The following FRS3 variants were observed in gnomAD, a reference collection of about 807,000 sequenced individuals.
FRS3 encodes FGFR substrate 3.
In FRS3, 17 loss-of-function variants were observed where a neutral mutation model predicts 41.9. The observed-to-expected ratio is 0.41, with a 90% CI of 0.28 to 0.61. The LOEUF is 0.61. FRS3 is among the 20% of genes least tolerant of loss of function. The pLI is 0.36. For missense variants in FRS3, 619 were observed against 672.1 expected (o/e 0.92, Z 0.87); for synonymous variants, 287 against 274.5 (o/e 1.05, Z -0.45).
Position 41,770,679 on chromosome 6 carries a change from C to T in FRS3, c.1419G>A (p.Leu473=). 1.2e-6 allele frequency: 2 copies of T among 1,613,956 alleles called. No individual in the cohort carries two copies. Among genetic ancestry groups the T allele is most frequent in the African/African-American group, 1.3e-5 (1 of 74,970 alleles). Residue 473 remains leucine, a synonymous_variant, in exon 7 of 7, where the codon CTG becomes CTA. Coordinates refer to ENST00000373018, the MANE Select transcript of FRS3 (RefSeq NM_006653.5). ...TCCTGGCGGTGCCATCGTCTCGGGGCAGAGCTCTCTGCAGGTTGGACATGG... is the reference window on the plus strand; with the variant it reads ...TCCTGGCGGTGCCATCGTCTCGGGGTAGAGCTCTCTGCAGGTTGGACATGG... ...TVAMSNLQRA[L]PRDDGTARKT...
At chr6:41,775,309 C>T in intron 4 of FRS3, 110 bp downstream of exon 4, 1 of 794,900 alleles carries the variant, frequency 1.3e-6, no homozygotes, top group Non-Finnish European at 1.9e-6. Context: ...ACTCTACTGC[C>T]CACAGGTGAT....
chr6:41,770,552 GAGGAC>G lies in FRS3; in HGVS notation c.*62_*66del. The stretch of plus-strand genomic sequence containing the variant: ...CTGAACCCTGGGGAGGGTGGGTTCA[GAGGAC>G]AGGAGTGTGAGGCAGAGGCTGGATC... On this transcript the variant is annotated 3_prime_UTR_variant, in exon 7 of 7. Transcript: ENST00000373018. The G allele has an allele frequency of 2.0e-6, 3 of 1,527,172 alleles. No homozygotes were observed. Among genetic ancestry groups the G allele is most frequent in the Non-Finnish European group, 2.7e-6 (3 of 1,101,956 alleles). The allele number at this position is 1,527,172 out of a possible 1,614,324, so 94.6% of individuals were successfully genotyped here.
At chr6:41,773,002 G>C in intron 4 of FRS3, 43 bp from the exon 5 acceptor site, 1 of 1,547,192 alleles carries the variant, frequency 6.5e-7, no homozygotes, top group Non-Finnish European at 8.9e-7. Context: ...AATAGGGAAG[G>C]ACCAGAGGAG....
chr6:41,776,942 T>C lies in FRS3; in HGVS notation c.46A>G (p.Asn16Asp). Reference sequence around the variant, plus strand: ...GGTACCTTGAACTTGGTGGGGTGGTTGTCTGGAACGCTGTCTCTGTTCAGG... The same window carrying C: ...GGTACCTTGAACTTGGTGGGGTGGTCGTCTGGAACGCTGTCTCTGTTCAGG... The part of the protein sequence containing the change: ...SCLNRDSVPD[N>D]HPTKFKVTNV... The change falls in exon 3 of 7, where the codon AAC (asparagine) becomes GAC (aspartate). Residue 16 changes from asparagine (N) to aspartate (D), a missense_variant. Physicochemically the swap from Asn to Asp is conservative, Grantham distance 23. This residue lies in a region of FRS3 where 100 missense variants were observed against 138.1 expected (regional missense o/e 0.72). Coordinates refer to ENST00000373018, the MANE Select transcript of FRS3 (RefSeq NM_006653.5). 1 of 1,614,094 alleles carries C rather than the reference T, an allele frequency of 6.2e-7. No homozygotes were observed. Among genetic ancestry groups the C allele is most frequent in the African/African-American group, 1.3e-5 (1 of 75,050 alleles).
Position 41,771,123 on chromosome 6 carries a change from C to A in FRS3, c.975G>T (p.Leu325=), listed in dbSNP as rs1772278902. The A allele has an allele frequency of 6.3e-7, 1 of 1,577,576 alleles. No homozygotes were observed. The change falls in exon 7 of 7, where the codon CTG becomes CTT. Residue 325 remains leucine, a synonymous_variant. Transcript: ENST00000373018. ...TTTCCCACACAGGGGGCAGTGGGGG[C>A]AGGTTCTCATAGTGCAGCAGGGCGG... ...RRAALLHYEN[L]PPLPPVWESQ...
chr6:41,773,596 C>T (rs1772349301), intron 4 of FRS3, among the ~76,000 whole-genome samples: 1 of 151,784 alleles, frequency 6.6e-6, no homozygotes, highest in Non-Finnish European at 1.5e-5. Flanking sequence ...GGAGGCCGGG[C>T]ATGATGGCTC....
At chr6:41,773,445 C>G (rs990674064) in intron 4 of FRS3, among the ~76,000 whole-genome samples, 1 of 152,046 alleles carries the variant, frequency 6.6e-6, no homozygotes, top group African/African-American at 2.4e-5. Context: ...CCAAGAGCTA[C>G]TAGAAAGGCT....
chr6:41,778,147 G>A lies in FRS3; in HGVS notation c.-138C>T, dbSNP rs1404956441. On this transcript the variant is annotated 5_prime_UTR_variant, in exon 2 of 7. Coordinates refer to ENST00000373018, the MANE Select transcript of FRS3 (RefSeq NM_006653.5). ...CAAACAGTCTGCAGAGAAGTCACCCGGATCCCTCTGGGATACACCTGGGGC... is the reference window on the plus strand; with the variant it reads ...CAAACAGTCTGCAGAGAAGTCACCCAGATCCCTCTGGGATACACCTGGGGC... 1.3e-5 allele frequency: 2 copies of A among 152,534 alleles called. No individual in the cohort carries two copies. Among genetic ancestry groups the A allele is most frequent in the Non-Finnish European group, 2.9e-5 (2 of 68,042 alleles). The allele number at this position is 152,534 out of a possible 1,614,324, so 9.4% of individuals were successfully genotyped here.
Position 41,771,054 on chromosome 6 carries a change from G to A in FRS3, c.1044C>T (p.Asp348=), listed in dbSNP as rs975632702. ...QLGGEAGDDG[D]SRDGLTPSSN... ...AAGAGGGTGTGAGCCCATCCCTCGAGTCCCCATCATCCCCAGCCTCCCCTC... is the reference window on the plus strand; with the variant it reads ...AAGAGGGTGTGAGCCCATCCCTCGAATCCCCATCATCCCCAGCCTCCCCTC... The change falls in exon 7 of 7, where the codon GAC becomes GAT. Residue 348 remains aspartate, a synonymous_variant. Coordinates refer to ENST00000373018, the MANE Select transcript of FRS3 (RefSeq NM_006653.5). The A allele has an allele frequency of 6.2e-7, 1 of 1,608,288 alleles. No individual in the cohort carries two copies. Among genetic ancestry groups the A allele is most frequent in the Non-Finnish European group, 8.5e-7 (1 of 1,175,884 alleles).
chr6:41,778,628 C>A (rs1772459273), intron 1 of FRS3, among the ~76,000 whole-genome samples: 1 of 152,108 alleles, frequency 6.6e-6, no homozygotes, highest in South Asian at 2.1e-4. Flanking sequence ...AGTCAACGCC[C>A]CCCCCAACTC....
chr6:41,771,768 G>A (rs541530385), intron 6 of FRS3, 48 bp downstream of exon 6: 53 of 1,535,966 alleles, frequency 3.5e-5, no homozygotes, highest in African/African-American at 2.2e-4. Context: ...CCTATCCCTC[G>A]TCCCCACCCA....
At chr6:41,778,407 C>T (rs939174881) in intron 1 of FRS3, among the ~76,000 whole-genome samples, 13 of 152,138 alleles carry the variant, frequency 8.5e-5, no homozygotes, top group East Asian at 1.9e-4. Flanking sequence ...AAGTCTAAGA[C>T]GACCAAAGAC....
intron 2 of FRS3, chr6:41,777,612 GA>G (rs1224014012): frequency 6.6e-6 from 1 of 152,202 alleles, no homozygotes; most frequent in East Asian, 1.9e-4. Flanking sequence ...GATATATTCA[GA>G]AGACTGAACA....
Position 41,771,216 on chromosome 6 carries a change from C to A in FRS3, c.882G>T (p.Leu294=). The stretch of plus-strand genomic sequence containing the variant: ...TCAGTCTCCAGCCAGCCCCTCGCCA[C>A]AGCCCCCCGGTGACGTTCTCGTAGG... ...KCTYENVTGG[L]WRGAGWRLSP... is the part of the protein sequence containing the mutation. Residue 294 remains leucine, a synonymous_variant, in exon 7 of 7, where the codon CTG becomes CTT. Transcript: ENST00000373018. The A allele has an allele frequency of 6.4e-7, 1 of 1,568,634 alleles. No individual in the cohort carries two copies. The highest frequency in any genetic ancestry group is 1.8e-5 in the Admixed American group (1 of 56,690).
At position 41,770,838 on chromosome 6, in the gene FRS3, C is replaced by T. The variant is rs1307976729; in HGVS notation, c.1260G>A (p.Val420=). The T allele has an allele frequency of 1.9e-6, 3 of 1,610,214 alleles. No homozygotes were observed. Among genetic ancestry groups the T allele is most frequent in the Non-Finnish European group, 2.5e-6 (3 of 1,179,730 alleles). ...GGTCTCCACCCCAGCCCTTTAGCTC[C>T]ACCTGGATGTAGTTAAGCTGCCTTG... is the stretch of plus-strand genomic sequence containing the variant. ...EPPRQLNYIQ[V]ELKGWGGDRP... The change falls in exon 7 of 7, where the codon GTG becomes GTA. Residue 420 remains valine (V), a synonymous_variant. Transcript: ENST00000373018.
intron 1 of FRS3, among the ~76,000 whole-genome samples, chr6:41,778,901 C>T (rs1430929053): frequency 6.6e-6 from 1 of 152,086 alleles, no homozygotes; most frequent in African/African-American, 2.4e-5. Flanking sequence ...GTCAACAAGC[C>T]AGGACTCTGC....
In FRS3 at chr6:41,770,904, C is replaced by T; in HGVS notation, c.1194G>A (p.Arg398=). The part of the protein sequence containing the change: ...VPLTRRRGSP[R]VFNFDFRRPG... ...GCCGGCGGAAATCAAAGTTGAAGAC[C>T]CTTGGGGAGCCGCGGCGGCGGGTCA... The change falls in exon 7 of 7, where the codon AGG becomes AGA. Residue 398 remains arginine, a synonymous_variant. Transcript: ENST00000373018. 4 of 1,611,202 alleles carry T rather than the reference C, an allele frequency of 2.5e-6. No individual in the cohort carries two copies. The highest frequency in any genetic ancestry group is 3.4e-6 in the Non-Finnish European group (4 of 1,179,942).
rs1581974960 is a variant in FRS3 at position 41,779,873 on chromosome 6, G to T, written c.-225C>A. The T allele has an allele frequency of 6.8e-6, 1 of 147,916 alleles. No homozygotes were observed. The highest frequency in any genetic ancestry group is 2.0e-4 in the South Asian group (1 of 4,924). 9.2% of individuals were successfully genotyped at this position (147,916 alleles called of 1,614,324 possible). A position where few individuals can be genotyped will look rare whatever the true frequency, so the allele number is the denominator to read the frequency against. ...GCTCCCGGGTCCCGCTGCAGCAGCC[G>T]CCGCCCGCCCGGAGCTAAGGCCTCC... On this transcript the variant is annotated 5_prime_UTR_variant, in exon 1 of 7. Coordinates refer to ENST00000373018, the MANE Select transcript of FRS3 (RefSeq NM_006653.5).
rs375616000 is a variant in FRS3 at position 41,775,463 on chromosome 6, T to C, written c.209A>G (p.Asn70Ser). ...GCGGCCACTCTCAAAGGAGAAGAGG[T>C]TGGAGTCGTAGCCATAGCGCCGCAA... Reference protein sequence around the residue: ...LCLRRYGYDSNLFSFESGRRC... With the variant: ...LCLRRYGYDSSLFSFESGRRC... Residue 70 changes from asparagine to serine, a missense_variant, in exon 4 of 7, where the codon AAC becomes AGC. Transcript: ENST00000373018. 1.3e-5 allele frequency: 21 copies of C among 1,613,180 alleles called. No homozygotes were observed. The African/African-American group carries it at 2.0e-4, about 15-fold the overall frequency.
Sources: allele counts gnomAD v4.1 joint callset (sites outside exome capture counted in the v4.1 genomes callset), GRCh38; gene constraint gnomAD v4.1.1; regional missense constraint gnomAD v4.1.1; transcripts MANE v1.5; gene names NCBI Gene and HGNC (gene_info 2026-07-23, HGNC 2026-07-21).